HENMT1: variants seen among roughly 807,000 people sequenced by gnomAD.
The protein encoded by HENMT1 is small RNA 2'-O-methyltransferase.
HENMT1 carries 27 observed loss-of-function variants against 31.1 expected under a neutral mutation model. The observed-to-expected ratio is 0.87, with a 90% CI of 0.64 to 1.20. HENMT1 has a LOEUF of 1.20. Among genes scored for constraint, HENMT1 ranks in the 50% most tolerant of loss-of-function variants. The pLI is 0.00. For missense variants in HENMT1, 438 were observed against 469.6 expected (o/e 0.93, Z 0.62); for synonymous variants, 167 against 172.2 (o/e 0.97, Z 0.24).
At position 108,654,792 on chromosome 1, in the gene HENMT1, T is replaced by C; in HGVS notation, c.322A>G (p.Ile108Val). 3 of 1,614,100 alleles carry C rather than the reference T, an allele frequency of 1.9e-6. No homozygotes were observed. Among genetic ancestry groups the C allele is most frequent in the African/African-American group, 1.3e-5 (1 of 75,056 alleles). The part of the protein sequence containing the change: ...FLKPRDLNLT[I>V]TLYHGSVVER... ...ACAACGGAGCCATGATACAATGTGA[T>C]GGTCAAATTCAGATCCCGAGGTTTC... is the stretch of plus-strand genomic sequence containing the variant. Residue 108 changes from isoleucine (I) to valine (V), a missense_variant, in exon 5 of 8, where the codon ATC becomes GTC. Physicochemically the swap from Ile to Val is conservative, Grantham distance 29 (BLOSUM62 3). Transcript: ENST00000651461.
At chr1:108,661,135 ACGCC>A (rs1557744077), upstream of HENMT1, 1 of 388,954 alleles carries the variant, frequency 2.6e-6, no homozygotes, top group Non-Finnish European at 3.5e-6. Flanking sequence ...CGCCGCGGCT[ACGCC>A]GGCGCCCGCA....
intron 1 of HENMT1, 106 bp from the exon 2 acceptor site, chr1:108,660,068 T>C (rs115692834): frequency 0.015 from 6,175 of 417,056 alleles, 82 homozygotes; most frequent in Non-Finnish European, 0.019. Flanking sequence ...TACTACAGTA[T>C]ATAATTTAAA....
chr1:108,650,118 C>G, intron 7 of HENMT1, 93 bp downstream of exon 7: 2 of 1,085,632 alleles, frequency 1.8e-6, no homozygotes, highest in South Asian at 1.3e-5. Flanking sequence ...GTCATTTACA[C>G]TCATCTCTAC....
In HENMT1 at chr1:108,659,387, G is replaced by A. The variant is rs1278177056; in HGVS notation, c.21+477C>T. 1.3e-4 allele frequency among the ~76,000 whole-genome samples: 20 copies of A among 151,894 alleles called. 1 individual carries two copies. The highest frequency in any genetic ancestry group is 1.3e-3 in the Admixed American group (20 of 15,246). ...TTAAAAAAAAAAAAAATTAAAGTTC[G>A]GTTCCTCAATTCCACTAGCCACATT... On this transcript the variant is annotated intron_variant, in intron 2 of 7. Transcript: ENST00000651461.
chr1:108,649,456 C>A (rs1029189494), intron 7 of HENMT1: 4 of 437,486 alleles, frequency 9.1e-6, no homozygotes, highest in African/African-American at 4.1e-5. Flanking sequence ...AAACAAAAAA[C>A]AAAACAAAAA....
At chr1:108,660,006 G>T in intron 1 of HENMT1, 44 bp from the exon 2 acceptor site, 1 of 1,014,432 alleles carries the variant, frequency 9.9e-7, no homozygotes, top group Middle Eastern at 2.6e-4. Context: ...ATACCTGAAA[G>T]AAATAGCTGC....
chr1:108,651,456 C>T lies in HENMT1; in HGVS notation c.399-247G>A, dbSNP rs181791464. ...GGTCAAGAGTTAAAGACCAGCCCGG[C>T]CAACATGATGAAACCTTGTCTCTAC... On this transcript the variant is annotated intron_variant, in intron 5 of 7. Coordinates refer to ENST00000651461, the MANE Select transcript of HENMT1 (RefSeq NM_001102592.2). 138 of 387,954 alleles carry T rather than the reference C, an allele frequency of 3.6e-4. No individual in the cohort carries two copies. The East Asian group carries it at 4.7e-3, about 13-fold the overall frequency. 24.0% of individuals were successfully genotyped at this position (387,954 alleles called of 1,614,324 possible).
chr1:108,658,084 CACACACACACATATAT>C (rs1658315034), intron 2 of HENMT1, among the ~76,000 whole-genome samples: 1 of 129,620 alleles, frequency 7.7e-6, no homozygotes, highest in African/African-American at 2.7e-5. Context: ...CACACACACA[CACACACACACATATAT>C]ACACACACAC....
chr1:108,648,487 A>G lies in HENMT1; in HGVS notation c.*79T>C. On this transcript the variant is annotated 3_prime_UTR_variant, in exon 8 of 8. Coordinates refer to ENST00000651461, the MANE Select transcript of HENMT1 (RefSeq NM_001102592.2). ...AAACTTTAAAAACATTACTTGAATT[A>G]GGATTACACAAAAAAAACTAAATTC... 1 of 1,170,262 alleles carries G rather than the reference A, an allele frequency of 8.5e-7. No individual in the cohort carries two copies. Among genetic ancestry groups the G allele is most frequent in the East Asian group, 2.5e-5 (1 of 39,780 alleles). 72.5% of individuals were successfully genotyped at this position (1,170,262 alleles called of 1,614,324 possible).
chr1:108,648,928 C>T lies in HENMT1; in HGVS notation c.820G>A (p.Glu274Lys). Residue 274 changes from glutamate (E) to lysine (K), a missense_variant, in exon 8 of 8, where the codon GAG becomes AAG. Coordinates refer to ENST00000651461, the MANE Select transcript of HENMT1 (RefSeq NM_001102592.2). ...AAGCTTTCCACTTGTTGGGACACCT[C>T]ATTAACCAACACAAGTTTAAAGAAC... ...ERFFKLVLVNEVSQQVESLRV... is the reference protein window; with the variant it reads ...ERFFKLVLVNKVSQQVESLRV... 1 of 1,613,700 alleles carries T rather than the reference C, an allele frequency of 6.2e-7. No homozygotes were observed. The highest frequency in any genetic ancestry group is 8.5e-7 in the Non-Finnish European group (1 of 1,179,736).
intron 2 of HENMT1, among the ~76,000 whole-genome samples, chr1:108,657,966 TATATATATACACACACAC>T (rs999986197): frequency 1.2e-4 from 18 of 146,012 alleles, no homozygotes; most frequent in Non-Finnish European, 2.3e-4. Context: ...TGACTGACTA[TATATATATACACACACAC>T]ATATATATAC....
chr1:108,654,075 T>C (rs959055566), intron 5 of HENMT1, among the ~76,000 whole-genome samples: 3 of 152,178 alleles, frequency 2.0e-5, no homozygotes, highest in Non-Finnish European at 4.4e-5. Flanking sequence ...CAGTGAGAGA[T>C]AGGAGTCTAA....
chr1:108,651,391 T>C (rs75610845), intron 5 of HENMT1, 182 bp from the exon 6 acceptor site: 27,025 of 576,380 alleles, frequency 0.047, 1,277 homozygotes, highest in East Asian at 0.18. Flanking sequence ...ACGCCTGTAA[T>C]CCCAACACTT....
At position 108,658,100 on chromosome 1, in the gene HENMT1, T is replaced by TAC. The variant is rs200486603; in HGVS notation, c.22-523_22-522dup. ...ACACACACACACACACACACATATATACACACACACACACACACATATATA... is the reference window on the plus strand; with the variant it reads ...ACACACACACACACACACACATATATACACACACACACACACACACATATATA... On this transcript the variant is annotated intron_variant, in intron 2 of 7. Coordinates refer to ENST00000651461, the MANE Select transcript of HENMT1 (RefSeq NM_001102592.2). Among the ~76,000 whole-genome samples, 924 of 123,934 alleles carry TAC rather than the reference T, an allele frequency of 7.5e-3. 15 individuals carry two copies. Among genetic ancestry groups the TAC allele is most frequent in the East Asian group, 0.021 (104 of 4,842 alleles). The allele number at this position is 123,934 out of a possible 152,430, so 81.3% of individuals were successfully genotyped here.
intron 3 of HENMT1, 53 bp downstream of exon 3, chr1:108,657,398 A>G: frequency 7.5e-7 from 1 of 1,341,324 alleles, no homozygotes. Context: ...AACACCTCAT[A>G]TGACTAGTCT....
chr1:108,654,195 T>C (rs946981082), intron 5 of HENMT1, among the ~76,000 whole-genome samples: 4 of 152,176 alleles, frequency 2.6e-5, no homozygotes, highest in African/African-American at 9.7e-5. Context: ...TGGCTGTAAA[T>C]GCATGGATTT....
In HENMT1 at chr1:108,649,469, A is replaced by T. The variant is rs150021771; in HGVS notation, c.757-478T>A. ...AAAAACAAAAAACAAAACAAAAAAA[A>T]GCTGAGCATGGTGGTGCACGCCTGT... On this transcript the variant is annotated intron_variant, in intron 7 of 7. Transcript: ENST00000651461. 163 of 440,976 alleles carry T rather than the reference A, an allele frequency of 3.7e-4. 1 individual carries two copies. The East Asian group carries it at 8.8e-3, about 24-fold the overall frequency. 27.3% of individuals were successfully genotyped at this position (440,976 alleles called of 1,614,324 possible). A position where few individuals can be genotyped will look rare whatever the true frequency, so the allele number is the denominator to read the frequency against.
chr1:108,655,814 T>C, intron 3 of HENMT1, 116 bp from the exon 4 acceptor site: 1 of 508,110 alleles, frequency 2.0e-6, no homozygotes, highest in Non-Finnish European at 3.5e-6. Flanking sequence ...ATAATGAAAG[T>C]ATTATATGGA....
At chr1:108,654,034 C>A (rs1264211167) in intron 5 of HENMT1, among the ~76,000 whole-genome samples, 1 of 152,176 alleles carries the variant, frequency 6.6e-6, no homozygotes, top group Non-Finnish European at 1.5e-5. Flanking sequence ...GCAATTAACT[C>A]GTTAATCCAT....
Sources: gnomAD v4.1 joint callset for allele counts (sites outside exome capture counted in the v4.1 genomes callset) on GRCh38, gnomAD v4.1.1 for gene constraint, MANE v1.5 for transcripts, NCBI Gene and HGNC (gene_info 2026-07-23, HGNC 2026-07-21) for gene names.